The following RNF135 variants were observed in gnomAD, a reference collection of about 807,000 sequenced individuals.
RNF135 encodes ring finger protein 135, also known as E3 ubiquitin-protein ligase RNF135.
Under a neutral mutation model 41.9 loss-of-function variants are expected in RNF135, and 46 were observed. The observed-to-expected ratio is 1.10, with a 90% CI of 0.87 to 1.40. The LOEUF is 1.40. Ranked by LOEUF, RNF135 falls within the 40% of genes most tolerant of loss-of-function variation. The pLI is 0.00. For missense variants in RNF135, 539 were observed against 549.8 expected, an observed-to-expected ratio of 0.98 and a Z score of 0.20; for synonymous variants, 238 against 223.8, an observed-to-expected ratio of 1.06 and a Z score of -0.57.
rs1907453434 is a variant in RNF135 at position 30,984,619 on chromosome 17, G to A, written c.375G>A (p.Val125=). Residue 125 remains valine (V), a splice_region_variant and synonymous_variant, in exon 2 of 5, where the codon GTG becomes GTA. Coordinates refer to ENST00000328381, the MANE Select transcript of RNF135 (RefSeq NM_032322.4). The part of the protein sequence containing the change: ...RPRRRPELQR[V]AVEKSITEVA... ...ACCTGAACTTTGCTATTTTGAAGGT[G>A]GCAGTAGAGAAGAGCATCACAGAAG... is the stretch of plus-strand genomic sequence containing the variant. The A allele has an allele frequency of 6.2e-7, 1 of 1,614,172 alleles. No individual in the cohort carries two copies. Among genetic ancestry groups the A allele is most frequent in the Non-Finnish European group, 8.5e-7 (1 of 1,180,034 alleles).
chr17:30,959,527 G>A, the RNF135 span: 1 of 152,248 alleles, frequency 6.6e-6, no homozygotes, highest in Non-Finnish European at 1.5e-5. Context: ...GGGGTGGGAG[G>A]AGGCAGAGAA....
intron 3 of RNF135, among the ~76,000 whole-genome samples, chr17:30,988,818 G>A (rs1427634213): frequency 9.6e-5 from 14 of 145,078 alleles, no homozygotes; most frequent in Non-Finnish European, 1.8e-4. Context: ...GTCTCACTCC[G>A]TCACCCAGGC....
At chr17:30,966,848 AGTT>A (rs879891716), upstream of RNF135, among the ~76,000 whole-genome samples, 2 of 151,902 alleles carry the variant, frequency 1.3e-5, no homozygotes, top group Non-Finnish European at 2.9e-5. Flanking sequence ...AATCAAATCA[AGTT>A]GTTAATTGAG....
upstream of RNF135, among the ~76,000 whole-genome samples, chr17:30,966,659 C>T (rs1017327649): frequency 2.7e-5 from 4 of 148,716 alleles, no homozygotes; most frequent in Middle Eastern, 3.2e-3. Context: ...CCGTGCCTGG[C>T]TAATTTTTTT....
intron 3 of RNF135, among the ~76,000 whole-genome samples, chr17:30,996,493 G>C (rs9894572): frequency 0.2 from 30,884 of 152,178 alleles, 9,768 homozygotes; most frequent in African/African-American, 0.68. Flanking sequence ...TCAGTTCCGA[G>C]TTGAATTTTG....
At chr17:30,980,412 G>A (rs1323150287) in intron 1 of RNF135, among the ~76,000 whole-genome samples, 11 of 146,922 alleles carry the variant, frequency 7.5e-5, no homozygotes, top group Middle Eastern at 7.1e-3. Flanking sequence ...AGGGGCGGCC[G>A]GGCAGAGGGG....
chr17:30,971,826 C>A, intron 1 of RNF135: 1 of 680,926 alleles, frequency 1.5e-6, no homozygotes, highest in Non-Finnish European at 1.9e-6. Flanking sequence ...CTCTGTCGCC[C>A]AGGCTGGATG....
At chr17:30,981,532 G>A (rs1466886377) in intron 1 of RNF135, among the ~76,000 whole-genome samples, 1 of 152,178 alleles carries the variant, frequency 6.6e-6, no homozygotes, top group African/African-American at 2.4e-5. Context: ...ACATATTTCT[G>A]TTTCTCCTGA....
upstream of RNF135, among the ~76,000 whole-genome samples, chr17:30,969,882 A>G (rs1248875349): frequency 1.3e-5 from 2 of 149,526 alleles, no homozygotes; most frequent in African/African-American, 2.5e-5. Flanking sequence ...CTCCTGCCTC[A>G]GCCTCCCAAG....
intron 1 of RNF135, chr17:30,972,688 C>G (rs1046479660): frequency 6.6e-6 from 1 of 152,210 alleles, no homozygotes; most frequent in African/African-American, 2.4e-5. Context: ...ATAGTGTTTT[C>G]AAAGTTCATT....
the RNF135 span, among the ~76,000 whole-genome samples, chr17:30,965,862 G>A: frequency 6.6e-6 from 1 of 152,180 alleles, no homozygotes; most frequent in Admixed American, 6.6e-5. Flanking sequence ...CTCTGGTTGA[G>A]GCCACATGGC....
intron 3 of RNF135, 52 bp from the exon 4 acceptor site, chr17:30,997,190 A>G: frequency 2.2e-6 from 3 of 1,385,826 alleles, no homozygotes; most frequent in Admixed American, 1.7e-5. Context: ...GGAGACCTTC[A>G]GTTTGCCTTT....
chr17:30,984,085 T>C (rs921732192), intron 1 of RNF135, among the ~76,000 whole-genome samples: 3 of 152,234 alleles, frequency 2.0e-5, no homozygotes, highest in African/African-American at 7.2e-5. Context: ...AATATTTTCT[T>C]CCATTTTTGT....
intron 3 of RNF135, chr17:30,993,917 C>T: frequency 3.3e-6 from 2 of 606,130 alleles, no homozygotes; most frequent in Non-Finnish European, 5.8e-6. Flanking sequence ...GATCTTCCTT[C>T]CTAAGACTCC....
intron 1 of RNF135, among the ~76,000 whole-genome samples, chr17:30,977,043 G>T (rs1212143771): frequency 3.3e-5 from 5 of 152,022 alleles, no homozygotes; most frequent in Admixed American, 6.6e-5. Context: ...TCCTTTAAAT[G>T]AAGATGATTT....
At chr17:30,961,831 A>T in the RNF135 span, among the ~76,000 whole-genome samples, 5 of 152,114 alleles carry the variant, frequency 3.3e-5, no homozygotes, top group Admixed American at 3.3e-4. Flanking sequence ...AATAGTAAAA[A>T]ATACACCCCT....
chr17:30,977,562 C>T (rs1260876399), intron 1 of RNF135, among the ~76,000 whole-genome samples: 1 of 152,022 alleles, frequency 6.6e-6, no homozygotes, highest in African/African-American at 2.4e-5. Flanking sequence ...TTAGTAGTGA[C>T]AGGGTTTCAT....
chr17:30,990,449 G>A (rs982958081), intron 3 of RNF135, among the ~76,000 whole-genome samples: 5 of 152,094 alleles, frequency 3.3e-5, no homozygotes, highest in Non-Finnish European at 7.3e-5. Flanking sequence ...GCTTGAACCC[G>A]GGAGGCAGAG....
chr17:30,997,505 C>T (rs1311467867), intron 4 of RNF135, 174 bp downstream of exon 4: 1 of 684,068 alleles, frequency 1.5e-6, no homozygotes, highest in Non-Finnish European at 2.7e-6. Flanking sequence ...GGTTGAGACT[C>T]TAGACCCAAG....
Sources: allele counts gnomAD v4.1 joint callset (sites outside exome capture counted in the v4.1 genomes callset), GRCh38; gene constraint gnomAD v4.1.1; transcripts MANE v1.5; gene names NCBI Gene and HGNC (gene_info 2026-07-23, HGNC 2026-07-21).